GLRA3: variants seen among roughly 807,000 people sequenced by gnomAD.
GLRA3 encodes glycine receptor subunit alpha-3.
Under a neutral mutation model 60.4 loss-of-function variants are expected in GLRA3, and 44 were observed. The observed-to-expected ratio is 0.73, with a 90% confidence interval of 0.57 to 0.94. The LOEUF (loss-of-function observed/expected upper bound fraction) is 0.94, where lower values mean the gene tolerates loss of function less well. GLRA3 is among the 40% of genes least tolerant of loss of function. The pLI, the probability that GLRA3 is intolerant of heterozygous loss-of-function variation, is 0.00. For missense variants in GLRA3, 508 were observed against 564.6 expected, an observed-to-expected ratio of 0.90 and a Z score of 1.02; for synonymous variants, 223 against 192.9, an observed-to-expected ratio of 1.16 and a Z score of -1.29.
chr4:174,784,139 A>T (rs1739017529), intron 2 of GLRA3, among the ~76,000 whole-genome samples: 1 of 137,650 alleles, frequency 7.3e-6, no homozygotes, highest in Non-Finnish European at 1.6e-5. Flanking sequence ...CTATGCAGCC[A>T]TAAAAAATGA....
chr4:174,662,843 T>A (rs1213803155), intron 7 of GLRA3, among the ~76,000 whole-genome samples: 3 of 151,378 alleles, frequency 2.0e-5, no homozygotes, highest in African/African-American at 7.3e-5. Context: ...TTTTCTTTTT[T>A]TTTTTTTCCT....
At position 174,728,604 on chromosome 4, in the gene GLRA3, G is replaced by T; in HGVS notation, c.362C>A (p.Ser121Tyr). The change falls in exon 4 of 10, where the codon TCC becomes TAC. Residue 121 changes from serine to tyrosine, a missense_variant. This residue lies in a region of GLRA3 where 329 missense variants were observed against 349.3 expected (regional missense o/e 0.94). Coordinates refer to ENST00000274093, the MANE Select transcript of GLRA3 (RefSeq NM_006529.4). ...YPDDSLDLDPSMLDSIWKPDL... is the reference protein window; with the variant it reads ...YPDDSLDLDPYMLDSIWKPDL... The stretch of plus-strand genomic sequence containing the variant: ...AGGTTTCCAAATGGAGTCCAACATG[G>T]AGGGGTCGAGGTCTAAAGAGTCGTC... 7 of 1,612,004 alleles carry T rather than the reference G, an allele frequency of 4.3e-6. 1 individual carries two copies. In the South Asian group the frequency reaches 6.6e-5, roughly 15 times the overall value.
chr4:174,796,816 T>G (rs1337362488), intron 1 of GLRA3, among the ~76,000 whole-genome samples: 1 of 152,166 alleles, frequency 6.6e-6, no homozygotes, highest in East Asian at 1.9e-4. Context: ...ATTACAAGCA[T>G]AAGCCACCGC....
intron 5 of GLRA3, chr4:174,713,744 C>T (rs902726394): frequency 4.6e-5 from 7 of 152,134 alleles, no homozygotes; most frequent in East Asian, 3.9e-4. Context: ...ATTTCTTAAG[C>T]GTCTGTTCTT....
At chr4:174,796,563 A>C (rs1274847272) in intron 1 of GLRA3, among the ~76,000 whole-genome samples, 1 of 151,048 alleles carries the variant, frequency 6.6e-6, no homozygotes, top group Non-Finnish European at 1.5e-5. Flanking sequence ...TTTTAGACGG[A>C]GTCTCGCTCT....
At chr4:174,738,069 C>A (rs918623335) in intron 3 of GLRA3, among the ~76,000 whole-genome samples, 1 of 152,096 alleles carries the variant, frequency 6.6e-6, no homozygotes, top group African/African-American at 2.4e-5. Flanking sequence ...ATAATTCTTA[C>A]ATAGTTGTTT....
intron 4 of GLRA3, among the ~76,000 whole-genome samples, chr4:174,721,007 T>G (rs530091951): frequency 7.8e-5 from 11 of 141,558 alleles, no homozygotes; most frequent in South Asian, 4.8e-4. Context: ...TGTGTGAACT[T>G]TGTGTGTGTG....
At chr4:174,694,138 G>T (rs187724264) in intron 5 of GLRA3, among the ~76,000 whole-genome samples, 1 of 152,008 alleles carries the variant, frequency 6.6e-6, no homozygotes, top group Non-Finnish European at 1.5e-5. Flanking sequence ...CAATAATAGC[G>T]CGAGACTTAA....
chr4:174,686,924 G>T (rs919523876), intron 5 of GLRA3, among the ~76,000 whole-genome samples: 14 of 152,156 alleles, frequency 9.2e-5, no homozygotes, highest in African/African-American at 3.4e-4. Context: ...TTAAAATTTT[G>T]ATCATTGGAA....
intron 5 of GLRA3, among the ~76,000 whole-genome samples, chr4:174,694,667 C>G (rs2111025156): frequency 6.6e-6 from 1 of 152,108 alleles, no homozygotes; most frequent in African/African-American, 2.4e-5. Context: ...AACTTCACAA[C>G]TGAAAGAATT....
intron 7 of GLRA3, among the ~76,000 whole-genome samples, chr4:174,660,838 T>C (rs971952325): frequency 2.4e-4 from 36 of 152,226 alleles, no homozygotes; most frequent in Admixed American, 1.8e-3. Context: ...ACTGTTTTCT[T>C]CCAAGTGATG....
chr4:174,724,433 C>T (rs1211987811), intron 4 of GLRA3, among the ~76,000 whole-genome samples: 5 of 152,154 alleles, frequency 3.3e-5, no homozygotes, highest in Non-Finnish European at 7.4e-5. Context: ...TTAGACAGCT[C>T]GAAATCTTAC....
chr4:174,733,743 T>A (rs1460764007), intron 3 of GLRA3, among the ~76,000 whole-genome samples: 1 of 152,170 alleles, frequency 6.6e-6, no homozygotes, highest in East Asian at 1.9e-4. Context: ...ACCTTCTGCT[T>A]CCTGACCACC....
rs142198263 is a variant in GLRA3, at chr4:174,750,913, T to C, written c.267+16050A>G. 7.2e-5 allele frequency among the ~76,000 whole-genome samples: 11 copies of C among 152,252 alleles called. No individual in the cohort carries two copies. The East Asian group carries it at 2.1e-3, about 29-fold the overall frequency. On this transcript the variant is annotated intron_variant, in intron 3 of 9. Transcript: ENST00000274093. The stretch of plus-strand genomic sequence containing the variant: ...GAAGCTTTACTGATAGATGAATTAA[T>C]GATCTTCAAATTCTTAGGGGAAGTT...
At chr4:174,755,450 C>G (rs192421986) in intron 3 of GLRA3, among the ~76,000 whole-genome samples, 5 of 151,944 alleles carry the variant, frequency 3.3e-5, no homozygotes, top group African/African-American at 1.2e-4. Context: ...TGAAGTATGA[C>G]AAATTAGCAT....
chr4:174,799,511 A>T (rs1277650706), intron 1 of GLRA3, among the ~76,000 whole-genome samples: 1 of 152,198 alleles, frequency 6.6e-6, no homozygotes, highest in Non-Finnish European at 1.5e-5. Context: ...CAGTTTTGAA[A>T]ACTTTATGGA....
intron 5 of GLRA3, among the ~76,000 whole-genome samples, chr4:174,713,004 A>C (rs1053163050): frequency 2.6e-5 from 4 of 151,598 alleles, no homozygotes; most frequent in African/African-American, 9.7e-5. Flanking sequence ...GAGTGTGTGT[A>C]TGTATATGTA....
chr4:174,795,270 G>GA (rs1181979047), intron 1 of GLRA3, among the ~76,000 whole-genome samples: 1 of 151,932 alleles, frequency 6.6e-6, no homozygotes, highest in Non-Finnish European at 1.5e-5. Flanking sequence ...TCTGGTAGCA[G>GA]AAAATCTACT....
chr4:174,825,871 TA>T (rs1455180799), intron 1 of GLRA3, among the ~76,000 whole-genome samples: 1 of 152,126 alleles, frequency 6.6e-6, no homozygotes, highest in African/African-American at 2.4e-5. Flanking sequence ...TGTAGGTTTG[TA>T]AAAATATACT....
Sources: gnomAD v4.1 joint callset for allele counts (sites outside exome capture counted in the v4.1 genomes callset) on GRCh38, gnomAD v4.1.1 for gene constraint, gnomAD v4.1.1 regional missense constraint, MANE v1.5 for transcripts, NCBI Gene and HGNC (gene_info 2026-07-23, HGNC 2026-07-21) for gene names.